The following GCFC2 variants were observed in gnomAD, a reference collection of about 807,000 sequenced individuals.
GCFC2 encodes the protein GC-rich sequence DNA-binding factor 2.
GCFC2 carries 102 observed loss-of-function variants against 99.4 expected under a neutral mutation model. The observed-to-expected ratio is 1.03, with a 90% CI of 0.87 to 1.21. GCFC2 has a LOEUF of 1.21. GCFC2 is among the 50% of genes most tolerant of loss of function. The pLI, the probability that GCFC2 is intolerant of heterozygous loss-of-function variation, is 0.00. For missense variants in GCFC2, 973 were observed against 920.9 expected, an observed-to-expected ratio of 1.06 and a Z score of -0.73; for synonymous variants, 338 against 316.8, an observed-to-expected ratio of 1.07 and a Z score of -0.71.
At chr2:75,694,465 C>T (rs770367631) in intron 5 of GCFC2, 38 bp from the exon 6 acceptor site, 9 of 828,534 alleles carry the variant, frequency 1.1e-5, no homozygotes, top group Admixed American at 2.9e-5. Context: ...ATTTTTCATA[C>T]TCTTTTAAAA....
Position 75,665,801 on chromosome 2 carries a change from T to C in GCFC2, c.2228+128A>G, listed in dbSNP as rs73936771. Reference sequence around the variant, plus strand: ...TCCCAAAGGTAACCATAAAAATATCTACTAACTCTACAAAGTTTTAACAAA... The same window carrying C: ...TCCCAAAGGTAACCATAAAAATATCCACTAACTCTACAAAGTTTTAACAAA... On this transcript the variant is annotated intron_variant, in intron 16 of 16. Coordinates refer to ENST00000321027, the MANE Select transcript of GCFC2 (RefSeq NM_003203.5). 5.4e-3 allele frequency: 2,898 copies of C among 535,260 alleles called. 26 individuals are homozygous for C. The highest frequency in any genetic ancestry group is 0.032 in the African/African-American group (1,635 of 51,382). 33.2% of individuals were successfully genotyped at this position (535,260 alleles called of 1,614,324 possible). A position where few individuals can be genotyped will look rare whatever the true frequency, so the allele number is the denominator to read the frequency against.
At chr2:75,694,174 C>T in intron 6 of GCFC2, 67 bp downstream of exon 6, 1 of 450,484 alleles carries the variant, frequency 2.2e-6, no homozygotes, top group Non-Finnish European at 4.0e-6. Flanking sequence ...GAGATTTAGA[C>T]TTTTCTTAAT....
chr2:75,683,789 A>G (rs1299920517), intron 11 of GCFC2, among the ~76,000 whole-genome samples: 1 of 150,766 alleles, frequency 6.6e-6, no homozygotes, highest in Non-Finnish European at 1.5e-5. Context: ...AAAAAAAAAA[A>G]AAAGAAAAAA....
chr2:75,689,104 T>G lies in GCFC2; in HGVS notation c.1461A>C (p.Glu487Asp). 6.3e-7 allele frequency: 1 copy of G among 1,597,852 alleles called. No individual in the cohort carries two copies. Among genetic ancestry groups the G allele is most frequent in the South Asian group, 1.1e-5 (1 of 90,132 alleles). ...WREKFPDSYY[E>D]AFISLCIPKL... ...TTGGTATGCATAAACTAATGAAAGC[T>G]TCATAATAGGAGTCAGGAAACTTTT... is the stretch of plus-strand genomic sequence containing the variant. The change falls in exon 10 of 17, where the codon GAA (glutamate) becomes GAC (aspartate). Residue 487 changes from glutamate to aspartate, a missense_variant. By Grantham distance (45) the Glu-to-Asp change is conservative. Transcript: ENST00000321027.
At chr2:75,708,241 T>C (rs1387793570) in intron 1 of GCFC2, among the ~76,000 whole-genome samples, 1 of 152,186 alleles carries the variant, frequency 6.6e-6, no homozygotes, top group Non-Finnish European at 1.5e-5. Context: ...GGAAAACTTA[T>C]ATTCTCTACT....
upstream of GCFC2, chr2:75,710,937 C>G (rs2104446910): frequency 7.3e-7 from 1 of 1,375,430 alleles, no homozygotes; most frequent in East Asian, 3.0e-5. Flanking sequence ...AGGGCGCGCT[C>G]CCGCCGCGCC....
At chr2:75,672,966 G>A (rs1679172866) in intron 13 of GCFC2, among the ~76,000 whole-genome samples, 1 of 152,222 alleles carries the variant, frequency 6.6e-6, no homozygotes, top group South Asian at 2.1e-4. Context: ...AGAAATATTT[G>A]TTGAAATCTC....
chr2:75,704,117 T>C (rs1463836028), intron 2 of GCFC2, among the ~76,000 whole-genome samples: 2 of 152,236 alleles, frequency 1.3e-5, no homozygotes, highest in Non-Finnish European at 1.5e-5. Context: ...TGGGCAGACA[T>C]AGGAGGAATC....
intron 12 of GCFC2, among the ~76,000 whole-genome samples, chr2:75,674,833 C>A (rs1385147271): frequency 6.6e-6 from 1 of 151,910 alleles, no homozygotes; most frequent in Non-Finnish European, 1.5e-5. Flanking sequence ...ATAACATATT[C>A]CTCAAGTGGC....
chr2:75,678,076 C>A (rs558110514), intron 12 of GCFC2, among the ~76,000 whole-genome samples: 1 of 151,922 alleles, frequency 6.6e-6, no homozygotes, highest in Non-Finnish European at 1.5e-5. Flanking sequence ...TCAAGTATTT[C>A]AAAAATGACT....
upstream of GCFC2, among the ~76,000 whole-genome samples, chr2:75,711,644 G>C (rs934985050): frequency 1.3e-5 from 2 of 152,238 alleles, no homozygotes; most frequent in Non-Finnish European, 2.9e-5. Context: ...GGGTGGGCAT[G>C]GGCTTGGCGG....
intron 4 of GCFC2, chr2:75,697,595 T>C (rs1430454324): frequency 6.6e-6 from 1 of 152,266 alleles, no homozygotes; most frequent in African/African-American, 2.4e-5. Context: ...TCTCCCTTCC[T>C]GCAGAGGTTG....
In GCFC2 at chr2:75,680,182, G is replaced by T; in HGVS notation, c.1812+11C>A. 1.9e-6 allele frequency: 3 copies of T among 1,591,096 alleles called. No homozygotes were observed. The highest frequency in any genetic ancestry group is 1.1e-5 in the South Asian group (1 of 89,802). On this transcript the variant is annotated intron_variant, in intron 12 of 16. Transcript: ENST00000321027. Reference sequence around the variant, plus strand: ...ATAGATCATGGAGTTCGCAACTCTAGAAATTATTACCTGTCTGCTTTTACT... The same window carrying T: ...ATAGATCATGGAGTTCGCAACTCTATAAATTATTACCTGTCTGCTTTTACT...
chr2:75,665,814 A>G, intron 16 of GCFC2, 115 bp downstream of exon 16: 1 of 607,990 alleles, frequency 1.6e-6, no homozygotes, highest in Non-Finnish European at 2.6e-6. Flanking sequence ...TAACTCTACA[A>G]AGTTTTAACA....
intron 9 of GCFC2, 23 bp from the exon 10 acceptor site, chr2:75,689,248 T>C (rs1401802763): frequency 7.4e-7 from 1 of 1,350,484 alleles, no homozygotes; most frequent in Admixed American, 1.8e-5. Flanking sequence ...TAAGTCTCTT[T>C]ATGCATTTTA....
intron 1 of GCFC2, chr2:75,710,327 C>G (rs1273235541): frequency 6.6e-6 from 4 of 603,666 alleles, no homozygotes; most frequent in Admixed American, 4.3e-5. Flanking sequence ...ATGGAGTCAA[C>G]TGATGGTGAA....
intron 6 of GCFC2, among the ~76,000 whole-genome samples, chr2:75,693,863 C>A (rs1374284165): frequency 6.6e-6 from 1 of 151,990 alleles, no homozygotes; most frequent in Non-Finnish European, 1.5e-5. Context: ...AAACAAAATC[C>A]ATTTATTCCT....
At position 75,702,299 on chromosome 2, in the gene GCFC2, C is replaced by T; in HGVS notation, c.519G>A (p.Glu173=). The change falls in exon 3 of 17, where the codon GAG becomes GAA. Residue 173 remains glutamate, a synonymous_variant. Coordinates refer to ENST00000321027, the MANE Select transcript of GCFC2 (RefSeq NM_003203.5). The part of the protein sequence containing the change: ...HTSSISGMKR[E]SEDDPESEPD... ...GCTCACTCTCAGGGTCATCTTCGCT[C>T]TCTCTCTTCATACCAGAGATGGAGG... is the stretch of plus-strand genomic sequence containing the variant. 1.2e-6 allele frequency: 2 copies of T among 1,613,772 alleles called. No individual in the cohort carries two copies. The highest frequency in any genetic ancestry group is 1.7e-6 in the Non-Finnish European group (2 of 1,179,666).
At position 75,692,730 on chromosome 2, in the gene GCFC2, CAGA is replaced by C. The variant is rs573137427; in HGVS notation, c.1021-633_1021-631del. On this transcript the variant is annotated intron_variant, in intron 6 of 16. Coordinates refer to ENST00000321027, the MANE Select transcript of GCFC2 (RefSeq NM_003203.5). The stretch of plus-strand genomic sequence containing the variant: ...TGAGATAGAAGATTTTTTTTTGAGA[CAGA>C]AGAATAGGAAAAAATGAAGGGTACA... Among the ~76,000 whole-genome samples the C allele has an allele frequency of 4.1e-3, 609 of 150,036 alleles. 1 individual carries two copies. Among genetic ancestry groups the C allele is most frequent in the African/African-American group, 0.014 (577 of 40,824 alleles).
Sources: allele counts gnomAD v4.1 joint callset (sites outside exome capture counted in the v4.1 genomes callset), GRCh38; gene constraint gnomAD v4.1.1; transcripts MANE v1.5; gene names NCBI Gene and HGNC (gene_info 2026-07-23, HGNC 2026-07-21).